CMTM4: variants seen among roughly 807,000 people sequenced by gnomAD.
CMTM4 encodes CKLF-like MARVEL transmembrane domain-containing protein 4.
A neutral mutation model predicts 19.0 loss-of-function variants in CMTM4; 8 were observed. That is an observed-to-expected ratio of 0.42 (90% CI 0.25 to 0.76). The LOEUF is 0.76. Among genes scored for constraint, CMTM4 ranks in the 30% least tolerant of loss-of-function variants. The pLI is 0.27. For missense variants in CMTM4, 228 were observed against 290.2 expected (o/e 0.79, Z 1.56); for synonymous variants, 106 against 121.1 (o/e 0.88, Z 0.82).
chr16:66,632,361 G>C lies in CMTM4; in HGVS notation c.363+4044C>G, dbSNP rs570312998. On this transcript the variant is annotated intron_variant, in intron 2 of 3. Transcript: ENST00000394106. Reference sequence around the variant, plus strand: ...ATTGCGGAAGACCACCACATAGTCAGGATGGTGGACTGGGGGAAGGGGCAG... The same window carrying C: ...ATTGCGGAAGACCACCACATAGTCACGATGGTGGACTGGGGGAAGGGGCAG... Among the ~76,000 whole-genome samples, 358 of 152,318 alleles carry C rather than the reference G, an allele frequency of 2.4e-3. 1 individual carries two copies. Among genetic ancestry groups the C allele is most frequent in the Non-Finnish European group, 2.7e-3 (186 of 68,020 alleles).
intron 1 of CMTM4, among the ~76,000 whole-genome samples, chr16:66,656,563 C>A (rs1307070160): frequency 6.6e-6 from 1 of 151,632 alleles, no homozygotes; most frequent in Non-Finnish European, 1.5e-5. Flanking sequence ...ACCATGTTGC[C>A]CAGGCTGTGA....
At chr16:66,684,944 G>A (rs1037699866) in intron 1 of CMTM4, among the ~76,000 whole-genome samples, 4 of 152,082 alleles carry the variant, frequency 2.6e-5, no homozygotes, top group Admixed American at 6.6e-5. Flanking sequence ...GAGCCCTGAG[G>A]CTAATGAACC....
intron 1 of CMTM4, among the ~76,000 whole-genome samples, chr16:66,683,611 A>G (rs186282229): frequency 6.6e-6 from 1 of 151,870 alleles, no homozygotes; most frequent in East Asian, 1.9e-4. Context: ...AAACACATAC[A>G]TTCAACTGTC....
chr16:66,634,929 T>C (rs1038714526), intron 2 of CMTM4, among the ~76,000 whole-genome samples: 10 of 152,320 alleles, frequency 6.6e-5, no homozygotes, highest in African/African-American at 2.2e-4. Context: ...AGTCTTAACC[T>C]TTCCAGCAGC....
chr16:66,682,002 C>T (rs1410752097), intron 1 of CMTM4, among the ~76,000 whole-genome samples: 1 of 152,188 alleles, frequency 6.6e-6, no homozygotes, highest in Non-Finnish European at 1.5e-5. Context: ...GCCAAGCCCA[C>T]TATCGCCAGG....
intron 1 of CMTM4, among the ~76,000 whole-genome samples, chr16:66,677,902 T>C (rs2016836403): frequency 6.6e-6 from 1 of 152,178 alleles, no homozygotes; most frequent in Non-Finnish European, 1.5e-5. Context: ...TTCACCACGC[T>C]GGCCAGGCTG....
chr16:66,666,759 C>A (rs2016601419), intron 1 of CMTM4, among the ~76,000 whole-genome samples: 1 of 152,188 alleles, frequency 6.6e-6, no homozygotes, highest in Non-Finnish European at 1.5e-5. Context: ...TGAGATCATG[C>A]CCTTTGCAGC....
chr16:66,604,541 A>G, the CMTM4 span: 2 of 291,140 alleles, frequency 6.9e-6, no homozygotes, highest in African/African-American at 2.2e-5. Flanking sequence ...GGCCCGAACC[A>G]GGGTGAAGAA....
rs2144777338 is a variant in CMTM4 at position 66,620,350 on chromosome 16, T to C, written c.*1708A>G. 1 of 985,422 alleles carries C rather than the reference T, an allele frequency of 1.0e-6. No homozygotes were observed. Among genetic ancestry groups the C allele is most frequent in the South Asian group, 4.7e-5 (1 of 21,280 alleles). 61.0% of individuals were successfully genotyped at this position (985,422 alleles called of 1,614,324 possible). On this transcript the variant is annotated 3_prime_UTR_variant, in exon 4 of 4. Transcript: ENST00000394106. ...TGGGAGCAGAGGGGAGACGAGTTGT[T>C]AACAGGCTAGCAGGGTCAGCCCCTG...
At chr16:66,672,924 C>CTTTT (rs150720178) in intron 1 of CMTM4, among the ~76,000 whole-genome samples, 1 of 107,942 alleles carries the variant, frequency 9.3e-6, no homozygotes, top group Non-Finnish European at 1.9e-5. Flanking sequence ...CTGCGCCTGG[C>CTTTT]TTTTTTTTTT....
chr16:66,609,374 C>A, the CMTM4 span: 2 of 1,454,706 alleles, frequency 1.4e-6, no homozygotes, highest in Non-Finnish European at 9.5e-7. The surrounding 1 kb of genome is among the most constrained non-coding windows in gnomAD (Gnocchi z 4.4). Context: ...GGCTGCCAGG[C>A]CTCCTCCCCA....
intron 2 of CMTM4, among the ~76,000 whole-genome samples, chr16:66,632,942 G>A (rs1280540670): frequency 4.6e-5 from 7 of 151,464 alleles, no homozygotes; most frequent in South Asian, 2.1e-4. Context: ...AAAATTAGCC[G>A]GGTGTGGTGG....
chr16:66,603,029 G>T, the CMTM4 span, among the ~76,000 whole-genome samples: 1 of 152,184 alleles, frequency 6.6e-6, no homozygotes, highest in Non-Finnish European at 1.5e-5. Context: ...AAAAGAGATA[G>T]GAGAAAGGGT....
downstream of CMTM4, chr16:66,611,141 C>T: frequency 2.8e-6 from 1 of 351,232 alleles, no homozygotes. Context: ...TAAAATTATT[C>T]TTGACTTATA....
At chr16:66,677,606 CTT>C (rs2016831892) in intron 1 of CMTM4, among the ~76,000 whole-genome samples, 1 of 152,206 alleles carries the variant, frequency 6.6e-6, no homozygotes, top group East Asian at 1.9e-4. Context: ...GACAGGTAGT[CTT>C]ATCTGTACTC....
chr16:66,609,469 A>T, the CMTM4 span: 7 of 1,612,740 alleles, frequency 4.3e-6, no homozygotes, highest in Admixed American at 5.0e-5. This position sits in a 1 kb window ranked among gnomAD's most constrained non-coding sequence, Gnocchi z 4.4. Context: ...GCCCTCATCT[A>T]CTTTGCTATC....
intron 1 of CMTM4, among the ~76,000 whole-genome samples, chr16:66,692,993 G>A (rs527942927): frequency 3.9e-5 from 6 of 152,122 alleles, no homozygotes; most frequent in South Asian, 2.1e-4. Context: ...GGAGACTGAG[G>A]CGGGTGGATC....
In CMTM4 at chr16:66,619,484, C is replaced by G; in HGVS notation, c.*2574G>C. 2 of 985,462 alleles carry G rather than the reference C, an allele frequency of 2.0e-6. No homozygotes were observed. The highest frequency in any genetic ancestry group is 2.4e-6 in the Non-Finnish European group (2 of 829,938). 61.0% of individuals were successfully genotyped at this position (985,462 alleles called of 1,614,324 possible). A position where few individuals can be genotyped will look rare whatever the true frequency, so the allele number is the denominator to read the frequency against. Reference sequence around the variant, plus strand: ...CAGCCTTCAAATGCCCCAAACCAAACTGATATTGGTCCCTATTGAAACTAT... The same window carrying G: ...CAGCCTTCAAATGCCCCAAACCAAAGTGATATTGGTCCCTATTGAAACTAT... On this transcript the variant is annotated 3_prime_UTR_variant, in exon 4 of 4. Coordinates refer to ENST00000394106, the MANE Select transcript of CMTM4 (RefSeq NM_181521.3).
At chr16:66,635,801 C>T (rs2015981165) in intron 2 of CMTM4, among the ~76,000 whole-genome samples, 1 of 152,162 alleles carries the variant, frequency 6.6e-6, no homozygotes, top group African/African-American at 2.4e-5. Context: ...AGTAAGGACA[C>T]AGTCTAGGAA....
Sources: gnomAD v4.1 joint callset for allele counts (sites outside exome capture counted in the v4.1 genomes callset) on GRCh38, gnomAD v4.1.1 for gene constraint, Gnocchi (gnomAD v3.1) non-coding constraint, MANE v1.5 for transcripts, NCBI Gene and HGNC (gene_info 2026-07-23, HGNC 2026-07-21) for gene names.